Variants in NSMCE1 observed in about 807,000 individuals in gnomAD.
The protein encoded by NSMCE1 is non-structural maintenance of chromosomes element 1 homolog.
A neutral mutation model predicts 29.6 loss-of-function variants in NSMCE1; 18 were observed. The ratio of observed to expected loss-of-function variants is 0.61; its 90% CI spans 0.42 to 0.90. The LOEUF (loss-of-function observed/expected upper bound fraction) is 0.90. Among genes scored for constraint, NSMCE1 ranks in the 40% least tolerant of loss-of-function variants. The probability of loss-of-function intolerance (pLI) is 0.00; values close to 1 mark genes in which losing one functional copy is unlikely to be tolerated. For synonymous variants in NSMCE1, 124 were observed against 133.4 expected, an observed-to-expected ratio of 0.93 and a Z score of 0.49; for missense variants, 314 against 343.6, an observed-to-expected ratio of 0.91 and a Z score of 0.68.
intron 2 of NSMCE1, among the ~76,000 whole-genome samples, chr16:27,251,185 T>TATATATATATATAA (rs1555477389): frequency 1.9e-5 from 1 of 52,834 alleles, no homozygotes; most frequent in Non-Finnish European, 3.1e-5. Flanking sequence ...TATATATATA[T>TATATATATATATAA]ATATAAATAT....
rs896034479 is a variant in NSMCE1 at position 27,268,750 on chromosome 16, G to C, written c.-56C>G. On this transcript the variant is annotated 5_prime_UTR_variant, in exon 1 of 8. Coordinates refer to ENST00000361439, the MANE Select transcript of NSMCE1 (RefSeq NM_145080.4). ...CCAGGCCGCGCTAGCGGATACGGTCGCAAGGTGGACTCTTCTTCCTTTGAG... is the reference window on the plus strand; with the variant it reads ...CCAGGCCGCGCTAGCGGATACGGTCCCAAGGTGGACTCTTCTTCCTTTGAG... The C allele has an allele frequency of 2.0e-5, 3 of 152,840 alleles. No individual in the cohort carries two copies. Among genetic ancestry groups the C allele is most frequent in the African/African-American group, 7.2e-5 (3 of 41,478 alleles). The allele number at this position is 152,840 out of a possible 1,614,324, so 9.5% of individuals were successfully genotyped here.
intron 4 of NSMCE1, chr16:27,233,846 G>A (rs2083788060): frequency 3.5e-6 from 1 of 288,120 alleles, no homozygotes; most frequent in Admixed American, 5.1e-5. Flanking sequence ...TTTCTAACAA[G>A]CTCCCAGGCG....
Position 27,232,898 on chromosome 16 carries a change from G to A in NSMCE1, c.483+103C>T. On this transcript the variant is annotated intron_variant, in intron 5 of 7. Coordinates refer to ENST00000361439, the MANE Select transcript of NSMCE1 (RefSeq NM_145080.4). This position sits in a 1 kb window ranked among gnomAD's most constrained non-coding sequence, Gnocchi z 4.5. ...GAAAGCAGATAAGGGATCCGAGAAG[G>A]CCGGGCTCCTCAGACATCAGTTGGC... 8.2e-7 allele frequency: 1 copy of A among 1,218,166 alleles called. No homozygotes were observed. Among genetic ancestry groups the A allele is most frequent in the Non-Finnish European group, 1.2e-6 (1 of 851,300 alleles). The allele number at this position is 1,218,166 out of a possible 1,614,324, so 75.5% of individuals were successfully genotyped here.
intron 2 of NSMCE1, among the ~76,000 whole-genome samples, chr16:27,254,866 CTTTTTTTTTTTTTTTTT>C (rs61088115): frequency 6.4e-5 from 3 of 46,896 alleles, no homozygotes; most frequent in Non-Finnish European, 1.1e-4. Context: ...TCCAACCATG[CTTTTTTTTTTTTTTTTT>C]TTTTTTTTTT....
At chr16:27,251,590 TC>T (rs779631376) in intron 2 of NSMCE1, among the ~76,000 whole-genome samples, 2 of 152,180 alleles carry the variant, frequency 1.3e-5, no homozygotes, top group Non-Finnish European at 2.9e-5. Flanking sequence ...CCTCGCAATG[TC>T]TTTGTCTGGT....
At chr16:27,233,954 G>A (rs2083789673) in intron 4 of NSMCE1, 1 of 512,476 alleles carries the variant, frequency 2.0e-6, no homozygotes, top group East Asian at 3.3e-5. Context: ...ATCCAGTTGG[G>A]GCTCACACCT....
At position 27,232,029 on chromosome 16, in the gene NSMCE1, C is replaced by T. The variant is rs2083767877; in HGVS notation, c.483+972G>A. ...CATCAGGTACCCCAGGAACTGAATT[C>T]GGGTCAGGTTCCTGGGACAGGCCCA... On this transcript the variant is annotated intron_variant, in intron 5 of 7. Transcript: ENST00000361439. The surrounding 1 kb of genome is among the most constrained non-coding windows in gnomAD (Gnocchi z 4.5). Among the ~76,000 whole-genome samples the T allele has an allele frequency of 2.6e-5, 4 of 152,206 alleles. No individual in the cohort carries two copies. In the South Asian group the frequency reaches 8.3e-4, roughly 32 times the overall value.
chr16:27,251,186 ATATAAATATATATATATATAT>A (rs201559274), intron 2 of NSMCE1, among the ~76,000 whole-genome samples: 23,325 of 97,094 alleles, frequency 0.24, 2,748 homozygotes, highest in East Asian at 0.46. Flanking sequence ...ATATATATAT[ATATAAATATATATATATATAT>A]AAAACTCTGT....
intron 5 of NSMCE1, among the ~76,000 whole-genome samples, chr16:27,231,672 G>A (rs1039465274): frequency 4.0e-4 from 60 of 151,870 alleles, no homozygotes; most frequent in African/African-American, 1.4e-3. Context: ...AAGAGGGGCT[G>A]CACCACAAGC....
At chr16:27,244,883 G>A (rs959281993) in intron 2 of NSMCE1, among the ~76,000 whole-genome samples, 5 of 152,214 alleles carry the variant, frequency 3.3e-5, no homozygotes, top group African/African-American at 9.7e-5. Context: ...AGACGTATCC[G>A]TCCACGAACC....
At position 27,257,501 on chromosome 16, in the gene NSMCE1, T is replaced by A. The variant is rs371830471; in HGVS notation, c.70A>T (p.Thr24Ser). The A allele has an allele frequency of 1.2e-6, 2 of 1,613,810 alleles. No individual in the cohort carries two copies. Among genetic ancestry groups the A allele is most frequent in the African/African-American group, 2.7e-5 (2 of 74,856 alleles). Residue 24 changes from threonine to serine, a missense_variant, in exon 2 of 8, where the codon ACC (threonine) becomes TCC (serine). Coordinates refer to ENST00000361439, the MANE Select transcript of NSMCE1 (RefSeq NM_145080.4). Reference sequence around the variant, plus strand: ...TCCCATTCCTCTAGCACGCCATGGGTCATCAGCAACTGGAGGAAGCGCCGG... The same window carrying A: ...TCCCATTCCTCTAGCACGCCATGGGACATCAGCAACTGGAGGAAGCGCCGG... ...VHRRFLQLLM[T>S]HGVLEEWDVK...
intron 2 of NSMCE1, among the ~76,000 whole-genome samples, chr16:27,253,126 A>T (rs897825598): frequency 7.2e-5 from 11 of 152,146 alleles, no homozygotes; most frequent in African/African-American, 2.7e-4. Flanking sequence ...AAACCACGTA[A>T]GTCAAAATGT....
intron 2 of NSMCE1, among the ~76,000 whole-genome samples, chr16:27,245,824 A>G (rs1326792332): frequency 1.3e-5 from 2 of 152,216 alleles, no homozygotes; most frequent in Admixed American, 1.3e-4. Context: ...TATGCTGATT[A>G]ACTGTTCATC....
rs142195944 is a variant in NSMCE1, at chr16:27,247,479, G to A, written c.136+9956C>T. On this transcript the variant is annotated intron_variant, in intron 2 of 7. Transcript: ENST00000361439. ...TTTTGGGTATGTCTTTATTAGCAGC[G>A]CGAGAACGGACTAATACACTCACCA... Among the ~76,000 whole-genome samples the A allele has an allele frequency of 5.8e-3, 876 of 152,158 alleles. 34 individuals carry two copies. The highest frequency in any genetic ancestry group is 0.049 in the Admixed American group (752 of 15,282).
chr16:27,237,633 C>CCT (rs35510534), intron 2 of NSMCE1, among the ~76,000 whole-genome samples: 95,628 of 151,858 alleles, frequency 0.63, 31,532 homozygotes, highest in East Asian at 0.89. Context: ...GCAAGTCCCA[C>CCT]CTCTCTGAAA....
intron 2 of NSMCE1, among the ~76,000 whole-genome samples, chr16:27,256,850 TCCC>T (rs762543186): frequency 2.0e-5 from 3 of 152,092 alleles, no homozygotes; most frequent in Admixed American, 6.6e-5. Context: ...TGTGCTAAGC[TCCC>T]CCATTTTTTT....
intron 5 of NSMCE1, among the ~76,000 whole-genome samples, chr16:27,231,273 T>C (rs370830964): frequency 2.0e-5 from 3 of 152,370 alleles, no homozygotes; most frequent in East Asian, 1.9e-4. Flanking sequence ...TATTGAGCAG[T>C]TGAGGTGCCA....
intron 1 of NSMCE1, among the ~76,000 whole-genome samples, chr16:27,259,342 G>C (rs1323820538): frequency 6.6e-6 from 1 of 152,034 alleles, no homozygotes; most frequent in Admixed American, 6.6e-5. Context: ...AATCCAGCCT[G>C]TCATCAACTT....
chr16:27,268,144 T>C (rs2084248461), intron 1 of NSMCE1: 1 of 152,090 alleles, frequency 6.6e-6, no homozygotes, highest in Non-Finnish European at 1.5e-5. Context: ...AAACCTAACA[T>C]AGAACATAGG....
Sources: allele counts gnomAD v4.1 joint callset (sites outside exome capture counted in the v4.1 genomes callset), GRCh38; gene constraint gnomAD v4.1.1; non-coding constraint Gnocchi (gnomAD v3.1); transcripts MANE v1.5; gene names NCBI Gene and HGNC (gene_info 2026-07-23, HGNC 2026-07-21).